IL17RD: variants seen among roughly 807,000 people sequenced by gnomAD.
IL17RD encodes the protein interleukin-17 receptor D.
IL17RD carries 52 observed loss-of-function variants against 80.5 expected under a neutral mutation model. The ratio of observed to expected loss-of-function variants is 0.65; its 90% CI spans 0.52 to 0.81. IL17RD has a LOEUF of 0.81. Among genes scored for constraint, IL17RD ranks in the 40% least tolerant of loss-of-function variants. The pLI, the probability that IL17RD is intolerant of heterozygous loss-of-function variation, is 0.00. For missense variants in IL17RD, 1,024 were observed against 955.1 expected (o/e 1.07, Z -0.95); for synonymous variants, 416 against 391.8 (o/e 1.06, Z -0.73).
In IL17RD at chr3:57,098,300, G is replaced by A. The variant is rs145221454; in HGVS notation, c.1403C>T (p.Ser468Leu). The change falls in exon 12 of 13, where the codon TCG (serine) becomes TTG (leucine). Residue 468 changes from serine to leucine, a missense_variant. Transcript: ENST00000296318. ...GATAAACTTGCTGAGCGCCGCGGAC[G>A]AACTCTGCTTGGCCTGGCGGAGCTT... is the stretch of plus-strand genomic sequence containing the variant. ...AEKLRQAKQS[S>L]SAALSKFIAV... is the part of the protein sequence containing the mutation. 4.0e-5 allele frequency: 65 copies of A among 1,613,868 alleles called. No homozygotes were observed. The highest frequency in any genetic ancestry group is 8.9e-5 in the East Asian group (4 of 44,890).
In IL17RD at chr3:57,148,097, G is replaced by GC. The variant is rs1367697299; in HGVS notation, c.126+17063_126+17064insG. On this transcript the variant is annotated intron_variant, in intron 1 of 12. Transcript: ENST00000296318. ...TTTGGGAGGCCAAGGTTGGGGGGGGGGGGGGGGCGATCGCTAGGTCAAGAG... is the reference window on the plus strand; with the variant it reads ...TTTGGGAGGCCAAGGTTGGGGGGGGGCGGGGGGGCGATCGCTAGGTCAAGAG... Among the ~76,000 whole-genome samples, 4 of 111,880 alleles carry GC rather than the reference G, an allele frequency of 3.6e-5. 1 individual carries two copies. Among genetic ancestry groups the GC allele is most frequent in the African/African-American group, 9.7e-5 (3 of 30,992 alleles). The allele number at this position is 111,880 out of a possible 152,430, so 73.4% of individuals were successfully genotyped here. A position where few individuals can be genotyped will look rare whatever the true frequency, so the allele number is the denominator to read the frequency against.
At chr3:57,112,280 A>T (rs1309489711) in intron 3 of IL17RD, among the ~76,000 whole-genome samples, 3 of 152,228 alleles carry the variant, frequency 2.0e-5, no homozygotes, top group Non-Finnish European at 4.4e-5. Flanking sequence ...CATTTTACAG[A>T]TGAGGAAACT....
At position 57,135,488 on chromosome 3, in the gene IL17RD, G is replaced by A. The variant is rs558192433; in HGVS notation, c.127-15175C>T. 3.9e-4 allele frequency among the ~76,000 whole-genome samples: 59 copies of A among 152,254 alleles called. No individual in the cohort carries two copies. In the South Asian group the frequency reaches 0.01, roughly 27 times the overall value. On this transcript the variant is annotated intron_variant, in intron 1 of 12. Transcript: ENST00000296318. ...ATTTTTGTAAAGATAACAAGTTCAAGGTAAAATAAAATTAAGTACAAAGAA... is the reference window on the plus strand; with the variant it reads ...ATTTTTGTAAAGATAACAAGTTCAAAGTAAAATAAAATTAAGTACAAAGAA...
At chr3:57,151,896 A>G (rs2060227475) in intron 1 of IL17RD, among the ~76,000 whole-genome samples, 1 of 152,122 alleles carries the variant, frequency 6.6e-6, no homozygotes, top group African/African-American at 2.4e-5. Context: ...AATCCCCCAA[A>G]TTCCCCCAAT....
At position 57,105,755 on chromosome 3, in the gene IL17RD, A is replaced by C. The variant is rs1311949673; in HGVS notation, c.747+102T>G. 5.5e-6 allele frequency: 5 copies of C among 908,250 alleles called. No homozygotes were observed. In the African/African-American group the frequency reaches 6.7e-5, roughly 12 times the overall value. The allele number at this position is 908,250 out of a possible 1,614,324, so 56.3% of individuals were successfully genotyped here. A position where few individuals can be genotyped will look rare whatever the true frequency, so the allele number is the denominator to read the frequency against. On this transcript the variant is annotated intron_variant, in intron 7 of 12. Transcript: ENST00000296318. ...TCTCAAGTATCTACCAACCACTGAG[A>C]GCCAACAAAGCCTAATGCTCACATT...
At chr3:57,165,042 G>C (rs1015365853) in intron 1 of IL17RD, 119 bp downstream of exon 1, 3 of 1,355,236 alleles carry the variant, frequency 2.2e-6, no homozygotes, top group Non-Finnish European at 2.8e-6. Context: ...GACCCAGGCC[G>C]GCCGCGGACC....
intron 11 of IL17RD, 60 bp downstream of exon 11, chr3:57,101,119 G>A: frequency 1.4e-6 from 2 of 1,395,242 alleles, no homozygotes; most frequent in South Asian, 2.5e-5. Context: ...AAGGCAGCGG[G>A]GAGAGAGTAC....
At chr3:57,099,688 C>T (rs542866075) in intron 11 of IL17RD, among the ~76,000 whole-genome samples, 1 of 152,314 alleles carries the variant, frequency 6.6e-6, no homozygotes, top group South Asian at 2.1e-4. Flanking sequence ...ATATACCAAG[C>T]ATTTTTTAAA....
At chr3:57,120,149 GA>G in intron 2 of IL17RD, 106 bp downstream of exon 2, 1 of 885,076 alleles carries the variant, frequency 1.1e-6, no homozygotes. Flanking sequence ...AACAGGTTCA[GA>G]AAATTCGTCA....
intron 1 of IL17RD, among the ~76,000 whole-genome samples, chr3:57,135,434 T>C (rs913704521): frequency 3.9e-5 from 6 of 152,242 alleles, no homozygotes; most frequent in East Asian, 3.8e-4. Flanking sequence ...TCTAGAACTG[T>C]AGGCTTTTCT....
At position 57,105,552 on chromosome 3, in the gene IL17RD, A is replaced by AAAAAAAAAAAT; in HGVS notation, c.747+304_747+305insATTTTTTTTTT. Among the ~76,000 whole-genome samples the AAAAAAAAAAAT allele has an allele frequency of 5.3e-4, 34 of 63,580 alleles. 1 individual carries two copies. Among genetic ancestry groups the AAAAAAAAAAAT allele is most frequent in the African/African-American group, 1.2e-3 (13 of 10,734 alleles). 41.7% of individuals were successfully genotyped at this position (63,580 alleles called of 152,430 possible). On this transcript the variant is annotated intron_variant, in intron 7 of 12. Coordinates refer to ENST00000296318, the MANE Select transcript of IL17RD (RefSeq NM_017563.5). ...ACTCCATCTCAAAAAAAAAAAAAAA[A>AAAAAAAAAAAT]ATATATATATATATATATTTGTTCA...
intron 10 of IL17RD, among the ~76,000 whole-genome samples, chr3:57,102,086 C>T (rs1458122199): frequency 2.0e-5 from 3 of 152,124 alleles, no homozygotes; most frequent in Non-Finnish European, 2.9e-5. Context: ...CATAGTGAGA[C>T]CCCATGACTA....
At chr3:57,147,062 C>G (rs1424906190) in intron 1 of IL17RD, among the ~76,000 whole-genome samples, 1 of 149,830 alleles carries the variant, frequency 6.7e-6, no homozygotes, top group Non-Finnish European at 1.5e-5. Context: ...GTCTCAAACT[C>G]CTGACCTCAG....
At chr3:57,105,416 A>C (rs562396579) in intron 7 of IL17RD, among the ~76,000 whole-genome samples, 2 of 151,036 alleles carry the variant, frequency 1.3e-5, no homozygotes, top group East Asian at 3.9e-4. Context: ...ATGCGCCTAT[A>C]ATCCTAGCTA....
chr3:57,140,893 C>CTTT (rs398105891), intron 1 of IL17RD, among the ~76,000 whole-genome samples: 3 of 146,628 alleles, frequency 2.0e-5, no homozygotes, highest in African/African-American at 7.5e-5. Flanking sequence ...GACCTTCACA[C>CTTT]TTTTTTTTTT....
chr3:57,096,684 T>C (rs1369274098), intron 12 of IL17RD, among the ~76,000 whole-genome samples, 179 bp from the exon 13 acceptor site: 1 of 152,114 alleles, frequency 6.6e-6, no homozygotes, highest in Non-Finnish European at 1.5e-5. Context: ...TCTAGTTCCC[T>C]TAGTTGAGGA....
At chr3:57,152,430 T>A (rs2060233458) in intron 1 of IL17RD, among the ~76,000 whole-genome samples, 1 of 152,170 alleles carries the variant, frequency 6.6e-6, no homozygotes, top group Non-Finnish European at 1.5e-5. Context: ...CACTATTACA[T>A]CTCGGCATGA....
At chr3:57,165,529 G>T (rs1289550109), upstream of IL17RD, among the ~76,000 whole-genome samples, 1 of 109,860 alleles carries the variant, frequency 9.1e-6, no homozygotes, top group African/African-American at 3.6e-5. Context: ...CGCCCCCCAA[G>T]CCCCCACTGA....
intron 1 of IL17RD, chr3:57,150,411 C>T (rs1006519174): frequency 2.6e-5 from 4 of 152,208 alleles, no homozygotes; most frequent in Admixed American, 6.5e-5. Context: ...TCTGCAGCTC[C>T]GGTTTCTGGC....
Sources: allele counts gnomAD v4.1 joint callset (sites outside exome capture counted in the v4.1 genomes callset), GRCh38; gene constraint gnomAD v4.1.1; transcripts MANE v1.5; gene names NCBI Gene and HGNC (gene_info 2026-07-23, HGNC 2026-07-21).